The following BBS9 variants were observed in gnomAD, a reference collection of about 807,000 sequenced individuals.
The protein encoded by BBS9 is Bardet-Biedl syndrome 9.
A neutral mutation model predicts 117.7 loss-of-function variants in BBS9; 89 were observed. The ratio of observed to expected loss-of-function variants is 0.76; its 90% confidence interval spans 0.64 to 0.90. The LOEUF is 0.90. BBS9 is among the 40% of genes least tolerant of loss of function. The pLI is 0.00. For synonymous variants in BBS9, 379 were observed against 370.9 expected, an observed-to-expected ratio of 1.02 and a Z score of -0.25; for missense variants, 982 against 1,042.2, an observed-to-expected ratio of 0.94 and a Z score of 0.80.
chr7:33,630,962 T>C (rs974958742), intron 21 of BBS9, among the ~76,000 whole-genome samples: 10 of 152,118 alleles, frequency 6.6e-5, no homozygotes, highest in Admixed American at 1.3e-4. Flanking sequence ...TGGGGGGAAA[T>C]AGACTTTACT....
intron 21 of BBS9, among the ~76,000 whole-genome samples, chr7:33,631,299 C>T (rs1412964695): frequency 3.9e-5 from 6 of 152,136 alleles, no homozygotes; most frequent in Non-Finnish European, 5.9e-5. Flanking sequence ...ATCCCAGCAG[C>T]GTTCCATGCC....
intron 5 of BBS9, among the ~76,000 whole-genome samples, chr7:33,248,001 A>G (rs1035508958): frequency 5.3e-5 from 8 of 152,244 alleles, no homozygotes; most frequent in African/African-American, 1.9e-4. Context: ...ATAGCTTGAC[A>G]GAACACCTAG....
intron 21 of BBS9, among the ~76,000 whole-genome samples, chr7:33,567,533 G>C (rs967855620): frequency 6.6e-6 from 1 of 151,996 alleles, no homozygotes; most frequent in African/African-American, 2.4e-5. Flanking sequence ...TCTTTCATGG[G>C]CCTCTCTTCT....
At chr7:33,285,431 T>C (rs1328781254) in intron 9 of BBS9, among the ~76,000 whole-genome samples, 6 of 152,178 alleles carry the variant, frequency 3.9e-5, no homozygotes, top group Non-Finnish European at 7.4e-5. Flanking sequence ...AGTTCGTATA[T>C]TTTTTCTTCC....
At chr7:33,569,932 A>C (rs1857518313) in intron 21 of BBS9, among the ~76,000 whole-genome samples, 1 of 152,170 alleles carries the variant, frequency 6.6e-6, no homozygotes, top group Admixed American at 6.5e-5. Flanking sequence ...TGGTGCCCAG[A>C]TTTTGGTTTC....
intron 9 of BBS9, chr7:33,277,026 C>T: frequency 4.1e-6 from 1 of 241,966 alleles, no homozygotes; most frequent in South Asian, 7.4e-5. Flanking sequence ...CCAACTGCAG[C>T]CCACCTGTGA....
intron 21 of BBS9, among the ~76,000 whole-genome samples, chr7:33,621,531 A>G (rs1865405841): frequency 6.6e-6 from 1 of 152,174 alleles, no homozygotes; most frequent in Non-Finnish European, 1.5e-5. Flanking sequence ...CAAAAAGACA[A>G]AAGTGCTGGC....
intron 5 of BBS9, 61 bp downstream of exon 5, chr7:33,177,652 T>C (rs773396443): frequency 4.1e-5 from 49 of 1,196,794 alleles, no homozygotes; most frequent in Non-Finnish European, 5.5e-5. Flanking sequence ...TATTTGGTCA[T>C]ATAAAACAGA....
chr7:33,194,663 A>G lies in BBS9; in HGVS notation c.442+17072A>G, dbSNP rs190098206. Among the ~76,000 whole-genome samples, 4 of 152,312 alleles carry G rather than the reference A, an allele frequency of 2.6e-5. No homozygotes were observed. The East Asian group carries it at 7.7e-4, about 29-fold the overall frequency. ...TAATTTCATTGTATTTGATGTGAAT[A>G]TCTTTTTTCCAGATTGTTATTGGCT... On this transcript the variant is annotated intron_variant, in intron 5 of 22. Transcript: ENST00000242067.
intron 19 of BBS9, among the ~76,000 whole-genome samples, chr7:33,502,574 G>T (rs538504747): frequency 6.6e-6 from 1 of 152,182 alleles, no homozygotes; most frequent in East Asian, 1.9e-4. Context: ...GTTAGTAATG[G>T]CCATGTGTGA....
intron 21 of BBS9, among the ~76,000 whole-genome samples, chr7:33,548,947 A>G (rs921336104): frequency 4.6e-5 from 7 of 151,544 alleles, no homozygotes; most frequent in African/African-American, 1.7e-4. Flanking sequence ...ATATGCAACC[A>G]AAAAAGAGCC....
At chr7:33,414,205 A>G (rs372686754) in intron 19 of BBS9, among the ~76,000 whole-genome samples, 6 of 152,272 alleles carry the variant, frequency 3.9e-5, no homozygotes, top group African/African-American at 4.8e-5. Flanking sequence ...AGGCCTACAC[A>G]TATCTTCATT....
Position 33,264,389 on chromosome 7 carries a change from T to C in BBS9, c.702+15T>C. 6.7e-7 allele frequency: 1 copy of C among 1,501,394 alleles called. No homozygotes were observed. 93.0% of individuals were successfully genotyped at this position (1,501,394 alleles called of 1,614,324 possible). A position where few individuals can be genotyped will look rare whatever the true frequency, so the allele number is the denominator to read the frequency against. ...AAAGACTAGTTGTAAGGCCTTTTTT[T>C]AATATATAAAAATTTCAATAATGCT... On this transcript the variant is annotated intron_variant, in intron 7 of 22. Transcript: ENST00000242067.
chr7:33,530,113 A>G (rs6462483), intron 20 of BBS9, among the ~76,000 whole-genome samples: 21,973 of 152,158 alleles, frequency 0.14, 1,920 homozygotes, highest in African/African-American at 0.24. Flanking sequence ...TTGTATTTTT[A>G]TTTAACAAAA....
intron 5 of BBS9, among the ~76,000 whole-genome samples, chr7:33,245,672 A>G (rs187993679): frequency 1.2e-4 from 18 of 152,240 alleles, no homozygotes; most frequent in African/African-American, 4.3e-4. Context: ...CTTGATGGTA[A>G]TTGACATATT....
intron 17 of BBS9, among the ~76,000 whole-genome samples, chr7:33,369,971 C>T (rs547087345): frequency 1.1e-4 from 16 of 152,154 alleles, no homozygotes; most frequent in East Asian, 7.7e-4. Flanking sequence ...CTGTGGGTTC[C>T]GTGTATTCAT....
At position 33,340,815 on chromosome 7, in the gene BBS9, G is replaced by A. The variant is rs776213502; in HGVS notation, c.1199-82G>A. On this transcript the variant is annotated intron_variant, in intron 10 of 22. Transcript: ENST00000242067. ...GTTTATGGGGTTTTTTTTATATGTGGTATAGACAAACCTTTAAAGAAAAAC... is the reference window on the plus strand; with the variant it reads ...GTTTATGGGGTTTTTTTTATATGTGATATAGACAAACCTTTAAAGAAAAAC... 7 of 1,184,540 alleles carry A rather than the reference G, an allele frequency of 5.9e-6. No homozygotes were observed. The African/African-American group carries it at 9.2e-5, about 16-fold the overall frequency. 73.4% of individuals were successfully genotyped at this position (1,184,540 alleles called of 1,614,324 possible). A position where few individuals can be genotyped will look rare whatever the true frequency, so the allele number is the denominator to read the frequency against.
At chr7:33,550,313 CTAGA>C (rs375321313) in intron 21 of BBS9, among the ~76,000 whole-genome samples, 68 of 151,928 alleles carry the variant, frequency 4.5e-4, no homozygotes, top group South Asian at 3.7e-3. Context: ...TTTAGGGTGC[CTAGA>C]TAAAGTATTT....
chr7:33,142,975 C>CT (rs942596072), intron 1 of BBS9, among the ~76,000 whole-genome samples: 73 of 146,464 alleles, frequency 5.0e-4, no homozygotes, highest in East Asian at 2.0e-3. Flanking sequence ...CTAGGTTTAA[C>CT]TTTTTTTTTT....
Sources: gnomAD v4.1 joint callset for allele counts (sites outside exome capture counted in the v4.1 genomes callset) on GRCh38, gnomAD v4.1.1 for gene constraint, MANE v1.5 for transcripts, NCBI Gene and HGNC (gene_info 2026-07-23, HGNC 2026-07-21) for gene names.